FAM227B: variants seen among roughly 807,000 people sequenced by gnomAD.
The protein encoded by FAM227B is protein FAM227B.
FAM227B carries 88 observed loss-of-function variants against 73.8 expected under a neutral mutation model. That is an observed-to-expected ratio of 1.19 (90% CI 1.00 to 1.42). The LOEUF (loss-of-function observed/expected upper bound fraction) is 1.42. Among genes scored for constraint, FAM227B ranks in the 40% most tolerant of loss-of-function variants. The pLI is 0.00. For synonymous variants in FAM227B, 210 were observed against 190.5 expected, an observed-to-expected ratio of 1.10 and a Z score of -0.84; for missense variants, 632 against 590.9, an observed-to-expected ratio of 1.07 and a Z score of -0.72.
intron 2 of FAM227B, among the ~76,000 whole-genome samples, chr15:49,613,511 G>A (rs530597681): frequency 2.6e-5 from 4 of 151,908 alleles, no homozygotes; most frequent in Non-Finnish European, 5.9e-5. Flanking sequence ...AAAAACAAAC[G>A]GACAAATAAA....
chr15:49,327,703 G>T lies in FAM227B; in HGVS notation c.*865C>A, dbSNP rs2037769076. On this transcript the variant is annotated 3_prime_UTR_variant, in exon 16 of 16. Coordinates refer to ENST00000299338, the MANE Select transcript of FAM227B (RefSeq NM_152647.3). ...AGTGGGTTATTGCCAGTCATGAAAT[G>T]GGAGGAGTACTGTTGACTTACCACT... is the stretch of plus-strand genomic sequence containing the variant. 2 of 329,286 alleles carry T rather than the reference G, an allele frequency of 6.1e-6. No individual in the cohort carries two copies. The highest frequency in any genetic ancestry group is 1.1e-5 in the Non-Finnish European group (2 of 180,982). 20.4% of individuals were successfully genotyped at this position (329,286 alleles called of 1,614,324 possible).
chr15:49,448,078 C>T (rs1490898048), intron 11 of FAM227B, among the ~76,000 whole-genome samples: 2 of 151,622 alleles, frequency 1.3e-5, no homozygotes, highest in African/African-American at 4.8e-5. Context: ...ACAAACTTAT[C>T]AGAACTTCAA....
At chr15:49,360,162 C>T (rs975929700) in intron 13 of FAM227B, among the ~76,000 whole-genome samples, 11 of 150,748 alleles carry the variant, frequency 7.3e-5, no homozygotes, top group Admixed American at 5.9e-4. Context: ...GTGGGTGCAG[C>T]GCACCAGCAT....
At chr15:49,568,107 A>G (rs2152350551) in intron 9 of FAM227B, 138 bp downstream of exon 9, 1 of 675,310 alleles carries the variant, frequency 1.5e-6, no homozygotes, top group East Asian at 2.9e-5. Context: ...AACTTTCAAA[A>G]TATTACTAAT....
chr15:49,450,890 T>C (rs987854331), intron 11 of FAM227B, among the ~76,000 whole-genome samples: 9 of 152,116 alleles, frequency 5.9e-5, no homozygotes, highest in African/African-American at 2.2e-4. Flanking sequence ...GCTGAACCTA[T>C]TTGGGAAAAA....
At chr15:49,353,944 G>A (rs939212513) in intron 13 of FAM227B, 1 of 152,018 alleles carries the variant, frequency 6.6e-6, no homozygotes, top group Non-Finnish European at 1.5e-5. Context: ...TCACATATTG[G>A]TTAATGGGAA....
intron 13 of FAM227B, among the ~76,000 whole-genome samples, chr15:49,347,364 A>G (rs920410813): frequency 6.6e-6 from 1 of 152,160 alleles, no homozygotes; most frequent in Admixed American, 6.5e-5. Context: ...CAGCTTAGTG[A>G]TCTATGCTTT....
At chr15:49,589,740 C>T in intron 4 of FAM227B, 36 bp downstream of exon 4, 2 of 1,284,862 alleles carry the variant, frequency 1.6e-6, no homozygotes, top group Non-Finnish European at 2.2e-6. Context: ...TAGTGAGACT[C>T]CATTTCTATA....
At chr15:49,616,731 T>C (rs2078312232) in intron 1 of FAM227B, among the ~76,000 whole-genome samples, 1 of 152,212 alleles carries the variant, frequency 6.6e-6, no homozygotes, top group Non-Finnish European at 1.5e-5. Flanking sequence ...TCAAAATTAA[T>C]ATAGGATCAT....
rs187540768 is a variant in FAM227B, at chr15:49,403,653, T to G, written c.1013-32254A>C. Among the ~76,000 whole-genome samples the G allele has an allele frequency of 2.4e-3, 371 of 152,254 alleles. 4 individuals carry two copies. The highest frequency in any genetic ancestry group is 8.4e-3 in the African/African-American group (348 of 41,550). The stretch of plus-strand genomic sequence containing the variant: ...TGTGTTTGTTTGGATCTTCTCTCTT[T>G]TCTTTATTGGTCTAGCTAGCAGTCT... On this transcript the variant is annotated intron_variant, in intron 11 of 15. Coordinates refer to ENST00000299338, the MANE Select transcript of FAM227B (RefSeq NM_152647.3).
At chr15:49,362,435 CTCTTT>C (rs1454578300) in intron 13 of FAM227B, among the ~76,000 whole-genome samples, 1 of 152,160 alleles carries the variant, frequency 6.6e-6, no homozygotes, top group African/African-American at 2.4e-5. Flanking sequence ...TCAGTTAAAT[CTCTTT>C]TCTTCATAAA....
chr15:49,600,906 G>A (rs1158160586), intron 3 of FAM227B, among the ~76,000 whole-genome samples: 1 of 151,084 alleles, frequency 6.6e-6, no homozygotes, highest in African/African-American at 2.4e-5. Flanking sequence ...GCTGGGTGTG[G>A]TGGTGTGCGC....
chr15:49,360,466 T>A (rs561866980), intron 13 of FAM227B, among the ~76,000 whole-genome samples: 3 of 152,340 alleles, frequency 2.0e-5, no homozygotes, highest in African/African-American at 2.4e-5. Flanking sequence ...TTCAATTTTT[T>A]AAATAATTTG....
Position 49,508,112 on chromosome 15 carries a change from T to C in FAM227B, c.1012+99A>G. ...TAAATCAAATGTTATTTTAAGGCCC[T>C]CACCAAAAACATAAATCATTAGAAA... On this transcript the variant is annotated intron_variant, in intron 11 of 15. Transcript: ENST00000299338. 6.1e-6 allele frequency: 8 copies of C among 1,304,248 alleles called. No homozygotes were observed. The South Asian group carries it at 1.1e-4, about 19-fold the overall frequency. 80.8% of individuals were successfully genotyped at this position (1,304,248 alleles called of 1,614,324 possible). A position where few individuals can be genotyped will look rare whatever the true frequency, so the allele number is the denominator to read the frequency against.
intron 13 of FAM227B, among the ~76,000 whole-genome samples, chr15:49,339,343 A>G (rs1324344435): frequency 6.6e-6 from 1 of 151,934 alleles, no homozygotes; most frequent in Non-Finnish European, 1.5e-5. Flanking sequence ...GTTGATGTTG[A>G]TATTATTCCT....
chr15:49,372,748 A>T (rs753936867), intron 11 of FAM227B, among the ~76,000 whole-genome samples: 1 of 152,096 alleles, frequency 6.6e-6, no homozygotes, highest in Non-Finnish European at 1.5e-5. Flanking sequence ...TTTGTTCTAG[A>T]CTCTGGCACT....
chr15:49,563,365 T>C (rs971259143), intron 9 of FAM227B, among the ~76,000 whole-genome samples: 10 of 151,942 alleles, frequency 6.6e-5, no homozygotes. Flanking sequence ...GGAAAAACAT[T>C]CCACACTCAC....
chr15:49,593,924 C>A (rs2076737577), intron 3 of FAM227B, among the ~76,000 whole-genome samples: 1 of 152,094 alleles, frequency 6.6e-6, no homozygotes, highest in Admixed American at 6.5e-5. Context: ...ATAATGACTT[C>A]TTTTCCTCTG....
At chr15:49,454,082 G>A (rs1246777824) in intron 11 of FAM227B, among the ~76,000 whole-genome samples, 3 of 152,158 alleles carry the variant, frequency 2.0e-5, no homozygotes, top group African/African-American at 2.4e-5. Context: ...TCAGACAGGC[G>A]TAGGTTTGAA....
Sources: allele counts gnomAD v4.1 joint callset (sites outside exome capture counted in the v4.1 genomes callset), GRCh38; gene constraint gnomAD v4.1.1; transcripts MANE v1.5; gene names NCBI Gene and HGNC (gene_info 2026-07-23, HGNC 2026-07-21).